The following NRXN3 variants were observed in gnomAD, a reference collection of about 807,000 sequenced individuals.
NRXN3 encodes the protein neurexin III.
Under a neutral mutation model 137.6 loss-of-function variants are expected in NRXN3, and 32 were observed. The observed-to-expected ratio is 0.23, with a 90% CI of 0.18 to 0.31. The LOEUF (loss-of-function observed/expected upper bound fraction) is 0.31, where lower values mean the gene tolerates loss of function less well. NRXN3 is among the 10% of genes least tolerant of loss of function. NRXN3 has a pLI of 1.00. For synonymous variants in NRXN3, 798 were observed against 784.5 expected, an observed-to-expected ratio of 1.02 and a Z score of -0.29; for missense variants, 1,574 against 2,062.5, an observed-to-expected ratio of 0.76 and a Z score of 4.59.
At chr14:79,057,160 G>A (rs765586135) in intron 15 of NRXN3, among the ~76,000 whole-genome samples, 6 of 152,310 alleles carry the variant, frequency 3.9e-5, no homozygotes, top group Non-Finnish European at 8.8e-5. Context: ...TTCCACATCT[G>A]AGGATTCATG....
chr14:78,252,405 C>T (rs2068779132), intron 2 of NRXN3, among the ~76,000 whole-genome samples: 1 of 152,200 alleles, frequency 6.6e-6, no homozygotes, highest in South Asian at 2.1e-4. Flanking sequence ...TGTAAAGCTC[C>T]TGGCTCAAGT....
chr14:79,116,783 G>A (rs553552575), intron 15 of NRXN3, among the ~76,000 whole-genome samples: 57 of 152,284 alleles, frequency 3.7e-4, no homozygotes, highest in South Asian at 3.1e-3. Context: ...CCAACATCCT[G>A]TTGTCTTGAT....
intron 4 of NRXN3, among the ~76,000 whole-genome samples, chr14:78,626,007 G>A (rs905966078): frequency 5.3e-5 from 8 of 152,214 alleles, no homozygotes; most frequent in African/African-American, 1.9e-4. Context: ...AATAGTCCAG[G>A]CAAGGAGGTA....
At chr14:79,075,567 G>A (rs769331854) in intron 15 of NRXN3, among the ~76,000 whole-genome samples, 3 of 152,226 alleles carry the variant, frequency 2.0e-5, no homozygotes, top group Non-Finnish European at 4.4e-5. Flanking sequence ...ATCCCTTGAT[G>A]ATTATTAATT....
At chr14:78,515,079 C>T (rs901510646) in intron 4 of NRXN3, among the ~76,000 whole-genome samples, 2 of 152,048 alleles carry the variant, frequency 1.3e-5, no homozygotes, top group Non-Finnish European at 2.9e-5. Flanking sequence ...TAACACCTCT[C>T]CAGGTGATTC....
At chr14:79,743,263 C>T (rs912061345) in intron 19 of NRXN3, among the ~76,000 whole-genome samples, 7 of 152,162 alleles carry the variant, frequency 4.6e-5, no homozygotes, top group East Asian at 1.9e-4. Context: ...ACATAGGCTA[C>T]GTGACTGTCG....
chr14:79,066,700 C>T (rs992837471), intron 15 of NRXN3, among the ~76,000 whole-genome samples: 1 of 151,342 alleles, frequency 6.6e-6, no homozygotes, highest in Non-Finnish European at 1.5e-5. Context: ...TAGTTGTATT[C>T]CTAGGTATTG....
chr14:79,679,698 A>C (rs1057264001), intron 17 of NRXN3, among the ~76,000 whole-genome samples: 1 of 152,178 alleles, frequency 6.6e-6, no homozygotes, highest in African/African-American at 2.4e-5. Flanking sequence ...TTTCATAGGA[A>C]AAAAATACTT....
intron 4 of NRXN3, among the ~76,000 whole-genome samples, chr14:78,564,617 T>C (rs1445524775): frequency 1.3e-5 from 2 of 152,218 alleles, no homozygotes; most frequent in Admixed American, 6.5e-5. Flanking sequence ...CCTTTCCTTC[T>C]TGGAATCAAG....
chr14:79,212,739 AAAGGT>A lies in NRXN3; in HGVS notation c.3262+224602_3262+224606del, dbSNP rs375026287. On this transcript the variant is annotated intron_variant, in intron 15 of 20. Coordinates refer to ENST00000335750, the MANE Select transcript of NRXN3 (RefSeq NM_001330195.2). ...GAGTGTTGGAAATGCTGGATAAAAC[AAAGGT>A]AAGTAGGTCTTTTCATTGCAGGCCT... 1.6e-3 allele frequency among the ~76,000 whole-genome samples: 237 copies of A among 152,276 alleles called. 2 individuals carry two copies. The highest frequency in any genetic ancestry group is 5.4e-3 in the African/African-American group (225 of 41,550).
At chr14:79,776,727 A>G (rs1313794180) in intron 19 of NRXN3, among the ~76,000 whole-genome samples, 1 of 152,202 alleles carries the variant, frequency 6.6e-6, no homozygotes, top group Non-Finnish European at 1.5e-5. Context: ...TAGAGGCTAA[A>G]AGGGACAGAG....
intron 19 of NRXN3, among the ~76,000 whole-genome samples, chr14:79,779,788 C>G (rs1364674014): frequency 7.2e-5 from 11 of 152,302 alleles, no homozygotes; most frequent in East Asian, 3.9e-4. Flanking sequence ...ACCAGAGTAT[C>G]CATTTCTCAA....
chr14:79,610,438 A>G (rs1567655504), intron 16 of NRXN3, among the ~76,000 whole-genome samples: 1 of 152,186 alleles, frequency 6.6e-6, no homozygotes, highest in African/African-American at 2.4e-5. Flanking sequence ...AAGTTGTAAA[A>G]TCCTTAAGGG....
intron 4 of NRXN3, among the ~76,000 whole-genome samples, chr14:78,509,587 C>T (rs1452990294): frequency 6.6e-6 from 1 of 152,086 alleles, no homozygotes; most frequent in African/African-American, 2.4e-5. Flanking sequence ...CTGTAATTGA[C>T]CTCTCTATTG....
intron 4 of NRXN3, among the ~76,000 whole-genome samples, chr14:78,559,252 TAAA>T (rs1244504876): frequency 1.3e-5 from 2 of 152,258 alleles, no homozygotes; most frequent in Non-Finnish European, 2.9e-5. Flanking sequence ...GTTATTTATT[TAAA>T]ATTTATTTTA....
intron 15 of NRXN3, among the ~76,000 whole-genome samples, chr14:79,042,025 G>A (rs2099625863): frequency 6.6e-6 from 1 of 152,178 alleles, no homozygotes; most frequent in Non-Finnish European, 1.5e-5. Context: ...GCAAAGTGGA[G>A]AAACAGATAT....
chr14:79,507,482 T>A (rs2096889503), intron 16 of NRXN3, among the ~76,000 whole-genome samples: 1 of 152,144 alleles, frequency 6.6e-6, no homozygotes, highest in Admixed American at 6.5e-5. Flanking sequence ...GTCTAGCAAC[T>A]GGGGTAAAAT....
rs371243520 is a variant in NRXN3, at chr14:78,319,027, T to C, written c.757+21167T>C. On this transcript the variant is annotated intron_variant, in intron 4 of 20. Transcript: ENST00000335750. ...TCCCAAGGGATGTCCATGATGTTGC[T>C]GGTATGTGGACCATTCTTTGGAGGG... Among the ~76,000 whole-genome samples, 133 of 152,358 alleles carry C rather than the reference T, an allele frequency of 8.7e-4. 3 individuals are homozygous for C. In the South Asian group the frequency reaches 0.025, roughly 29 times the overall value.
intron 4 of NRXN3, among the ~76,000 whole-genome samples, chr14:78,604,708 A>G (rs1010792219): frequency 6.6e-6 from 1 of 152,214 alleles, no homozygotes; most frequent in African/African-American, 2.4e-5. Context: ...GACTGGGCAA[A>G]GAGGCCCAAC....
Sources: gnomAD v4.1 joint callset for allele counts (sites outside exome capture counted in the v4.1 genomes callset) on GRCh38, gnomAD v4.1.1 for gene constraint, MANE v1.5 for transcripts, NCBI Gene and HGNC (gene_info 2026-07-23, HGNC 2026-07-21) for gene names.